Variants in CCDC171 observed in about 807,000 individuals in gnomAD.
CCDC171 encodes the protein coiled-coil domain containing 171.
In CCDC171, 177 loss-of-function variants were observed where a neutral mutation model predicts 168.2. The ratio of observed to expected loss-of-function variants is 1.05; its 90% CI spans 0.93 to 1.19. CCDC171 has a LOEUF of 1.19. Among genes scored for constraint, CCDC171 ranks in the 50% most tolerant of loss-of-function variants. CCDC171 has a pLI of 0.00. For missense variants in CCDC171, 1,991 were observed against 1,539.0 expected (o/e 1.29, Z -4.91); for synonymous variants, 687 against 540.8 (o/e 1.27, Z -3.75).
intron 8 of CCDC171, among the ~76,000 whole-genome samples, chr9:15,658,566 T>A (rs970413687): frequency 1.3e-5 from 2 of 152,156 alleles, no homozygotes; most frequent in East Asian, 3.9e-4. Context: ...TTTGAGGATC[T>A]TGAGATGGGA....
rs1221236210 is a variant in CCDC171, at chr9:15,729,593, T to C, written c.1861-17T>C. ...CTTGTGAGCATATTTCCTTCTCTGT[T>C]GCATCTCCCCGTATAGATAAGGCAT... On this transcript the variant is annotated splice_polypyrimidine_tract_variant and intron_variant, in intron 15 of 25. Transcript: ENST00000380701. 7.2e-6 allele frequency: 11 copies of C among 1,533,220 alleles called. No individual in the cohort carries two copies. In the East Asian group the frequency reaches 2.0e-4, roughly 28 times the overall value. 95.0% of individuals were successfully genotyped at this position (1,533,220 alleles called of 1,614,324 possible). A position where few individuals can be genotyped will look rare whatever the true frequency, so the allele number is the denominator to read the frequency against.
At chr9:15,858,625 T>C (rs1261171900) in intron 23 of CCDC171, among the ~76,000 whole-genome samples, 1 of 152,102 alleles carries the variant, frequency 6.6e-6, no homozygotes, top group Admixed American at 6.6e-5. Flanking sequence ...TACAAGTCTT[T>C]CACCTCTGTT....
chr9:16,094,731 G>T, the CCDC171 span, among the ~76,000 whole-genome samples: 1 of 152,206 alleles, frequency 6.6e-6, no homozygotes, highest in African/African-American at 2.4e-5. Context: ...AAACAAGTTT[G>T]TATCTTACAT....
chr9:15,905,470 C>A (rs1304894122), intron 24 of CCDC171, among the ~76,000 whole-genome samples: 1 of 152,048 alleles, frequency 6.6e-6, no homozygotes, highest in Non-Finnish European at 1.5e-5. Context: ...TTCTTTGAAA[C>A]CAACGAGAAC....
At chr9:15,659,231 C>G (rs186535552) in intron 8 of CCDC171, among the ~76,000 whole-genome samples, 2 of 152,168 alleles carry the variant, frequency 1.3e-5, no homozygotes, top group African/African-American at 2.4e-5. Flanking sequence ...AAGCAACTGC[C>G]GGTAGCTTAT....
chr9:15,679,237 C>T (rs965741324), intron 10 of CCDC171, among the ~76,000 whole-genome samples: 6 of 152,030 alleles, frequency 3.9e-5, no homozygotes, highest in Non-Finnish European at 5.9e-5. Flanking sequence ...CTGATGATTT[C>T]AAAGACTTCC....
chr9:15,944,247 A>G (rs113531231), intron 25 of CCDC171, among the ~76,000 whole-genome samples: 1,638 of 151,594 alleles, frequency 0.011, 19 homozygotes, highest in South Asian at 0.041. Flanking sequence ...CACTGTGGCT[A>G]TTGCTTTTCT....
intron 17 of CCDC171, among the ~76,000 whole-genome samples, chr9:15,745,045 G>T (rs534599357): frequency 6.6e-6 from 1 of 152,234 alleles, no homozygotes; most frequent in African/African-American, 2.4e-5. Context: ...TGAATCCTCT[G>T]CAGTAAAGTG....
At chr9:16,090,724 C>G in the CCDC171 span, among the ~76,000 whole-genome samples, 1 of 152,140 alleles carries the variant, frequency 6.6e-6, no homozygotes, top group African/African-American at 2.4e-5. Context: ...TTCATTGAGC[C>G]TTTATGAAGC....
At chr9:15,642,332 C>T (rs1195239544) in intron 7 of CCDC171, among the ~76,000 whole-genome samples, 5 of 69,378 alleles carry the variant, frequency 7.2e-5, no homozygotes, top group South Asian at 9.8e-4. Context: ...TATATATACA[C>T]GTGTGTGTGT....
intron 21 of CCDC171, among the ~76,000 whole-genome samples, chr9:15,828,019 G>T (rs541244580): frequency 9.9e-5 from 15 of 152,278 alleles, no homozygotes; most frequent in African/African-American, 3.6e-4. Context: ...CAGAGTAAAT[G>T]TAGAGGATAT....
chr9:15,871,876 T>C (rs1444727209), intron 23 of CCDC171, among the ~76,000 whole-genome samples: 1 of 152,012 alleles, frequency 6.6e-6, no homozygotes, highest in African/African-American at 2.4e-5. Context: ...GTCACTGTTT[T>C]GGATTCTTTC....
At chr9:16,065,841 T>TGTGTGTGTGTGTGTGC (rs1015627458), downstream of CCDC171, among the ~76,000 whole-genome samples, 15 of 149,236 alleles carry the variant, frequency 1.0e-4, no homozygotes, top group African/African-American at 3.7e-4. Context: ...TGTGTGTGTG[T>TGTGTGTGTGTGTGTGC]GTGCTGATTA....
intron 6 of CCDC171, among the ~76,000 whole-genome samples, chr9:16,028,603 T>G (rs1833316136): frequency 6.6e-6 from 1 of 152,152 alleles, no homozygotes; most frequent in Admixed American, 6.5e-5. Context: ...CTGTCAGTTT[T>G]GTTAAATCTG....
At chr9:15,979,243 C>T (rs1387940625) in intron 3 of CCDC171, among the ~76,000 whole-genome samples, 1 of 152,142 alleles carries the variant, frequency 6.6e-6, no homozygotes, top group African/African-American at 2.4e-5. Context: ...CAAATAGACA[C>T]AGTTTTACTT....
At position 15,793,555 on chromosome 9, in the gene CCDC171, T is replaced by G. The variant is rs556880687; in HGVS notation, c.3267+8861T>G. Among the ~76,000 whole-genome samples the G allele has an allele frequency of 9.5e-5, 4 of 42,160 alleles. No homozygotes were observed. The South Asian group carries it at 4.4e-3, about 46-fold the overall frequency. The allele number at this position is 42,160 out of a possible 152,430, so 27.7% of individuals were successfully genotyped here. ...CCACATCGCACTTATTCCAAGGTTT[T>G]TTTTTTTTTTTTTTTTTTTTTTTTT... On this transcript the variant is annotated intron_variant, in intron 21 of 25. Transcript: ENST00000380701.
chr9:16,005,843 G>A (rs12000631), intron 3 of CCDC171, among the ~76,000 whole-genome samples: 3,017 of 152,184 alleles, frequency 0.02, 91 homozygotes, highest in African/African-American at 0.067. Flanking sequence ...GGATAACTGT[G>A]TATACCTAAG....
At chr9:15,788,060 G>T (rs925236681) in intron 21 of CCDC171, among the ~76,000 whole-genome samples, 2 of 152,120 alleles carry the variant, frequency 1.3e-5, no homozygotes, top group African/African-American at 4.8e-5. Context: ...ATTGCCAGTA[G>T]CTTAAATATT....
the CCDC171 span, among the ~76,000 whole-genome samples, chr9:16,101,723 C>T: frequency 6.6e-6 from 1 of 152,192 alleles, no homozygotes. Context: ...GTGGAGAAGG[C>T]CACAGGGCAG....
Sources: gnomAD v4.1 joint callset for allele counts (sites outside exome capture counted in the v4.1 genomes callset) on GRCh38, gnomAD v4.1.1 for gene constraint, MANE v1.5 for transcripts, NCBI Gene and HGNC (gene_info 2026-07-23, HGNC 2026-07-21) for gene names.